The following LRRC2 variants were observed in gnomAD, a reference collection of about 807,000 sequenced individuals.
LRRC2 encodes the protein leucine rich repeat containing 2.
LRRC2 carries 27 observed loss-of-function variants against 40.2 expected under a neutral mutation model. The observed-to-expected ratio is 0.67, with a 90% CI of 0.49 to 0.93. The LOEUF is 0.93. Ranked by LOEUF, LRRC2 falls within the 40% of genes least tolerant of loss-of-function variation. The pLI, the probability that LRRC2 is intolerant of heterozygous loss-of-function variation, is 0.00. For missense variants in LRRC2, 402 were observed against 439.6 expected, an observed-to-expected ratio of 0.91 and a Z score of 0.76; for synonymous variants, 147 against 158.9, an observed-to-expected ratio of 0.92 and a Z score of 0.56.
At position 46,527,339 on chromosome 3, in the gene LRRC2, G is replaced by A. The variant is rs1002112517; in HGVS notation, c.929+87C>T. ...TCAGAGTACGAGAGCCATCTAATCC[G>A]GGTCTTGAGACAGCTGCCCAGGCTC... On this transcript the variant is annotated intron_variant, in intron 7 of 8. Coordinates refer to ENST00000395905, the MANE Select transcript of LRRC2 (RefSeq NM_024512.5). The A allele has an allele frequency of 2.0e-5, 28 of 1,377,264 alleles. No homozygotes were observed. In the Admixed American group the frequency reaches 2.4e-4, roughly 12 times the overall value. The allele number at this position is 1,377,264 out of a possible 1,614,324, so 85.3% of individuals were successfully genotyped here.
At chr3:46,521,084 T>A (rs1261964392) in intron 8 of LRRC2, among the ~76,000 whole-genome samples, 43 of 152,136 alleles carry the variant, frequency 2.8e-4, no homozygotes, top group Admixed American at 2.8e-3. Flanking sequence ...AAATTGGCCA[T>A]CCTGTGCTTT....
Position 46,545,051 on chromosome 3 carries a change from A to T in LRRC2, c.328T>A (p.Trp110Arg). 1 of 1,612,514 alleles carries T rather than the reference A, an allele frequency of 6.2e-7. No individual in the cohort carries two copies. The highest frequency in any genetic ancestry group is 8.5e-7 in the Non-Finnish European group (1 of 1,179,844). Residue 110 changes from tryptophan to arginine, a missense_variant, in exon 3 of 9, where the codon TGG becomes AGG. By Grantham distance (101) the Trp-to-Arg change is moderately radical. Transcript: ENST00000395905. ...CGAGAACTGCCTCGACTCACCGTCC[A>T]GTGCTCCCCAGAAAGTTCAAACACA... ...AFVFELSGEH[W>R]TELPDSLKEQ...
chr3:46,541,762 C>T (rs6795123), intron 3 of LRRC2, among the ~76,000 whole-genome samples: 4 of 152,232 alleles, frequency 2.6e-5, no homozygotes, highest in African/African-American at 9.6e-5. Flanking sequence ...GAACCTTGAC[C>T]CCCATCCATG....
Position 46,532,879 on chromosome 3 carries a change from A to G in LRRC2, c.521T>C (p.Val174Ala). 6.2e-7 allele frequency: 1 copy of G among 1,614,042 alleles called. No homozygotes were observed. Among genetic ancestry groups the G allele is most frequent in the Non-Finnish European group, 8.5e-7 (1 of 1,179,946 alleles). The change falls in exon 5 of 9, where the codon GTG becomes GCG. Residue 174 changes from valine to alanine, a missense_variant. Coordinates refer to ENST00000395905, the MANE Select transcript of LRRC2 (RefSeq NM_024512.5). Reference protein sequence around the residue: ...GCLKNLKELNVGFNYLKSIPP... With the variant: ...GCLKNLKELNAGFNYLKSIPP... The stretch of plus-strand genomic sequence containing the variant: ...AATGCTCTTCAGATAGTTGAAACCC[A>G]CATTGAGTTCTTTCAGGTTCTTCAA...
chr3:46,545,020 A>C, intron 3 of LRRC2, 26 bp downstream of exon 3: 2 of 1,603,764 alleles, frequency 1.2e-6, no homozygotes, highest in Non-Finnish European at 1.7e-6. Flanking sequence ...ACAGCACTGC[A>C]TTGGGCGAGA....
chr3:46,544,994 G>A (rs1406554711), intron 3 of LRRC2, 52 bp downstream of exon 3: 2 of 1,520,820 alleles, frequency 1.3e-6, no homozygotes, highest in African/African-American at 1.4e-5. Context: ...GCTCAGGCGA[G>A]CAGCAGTCAT....
At chr3:46,538,860 C>T (rs1368995062) in intron 4 of LRRC2, among the ~76,000 whole-genome samples, 185 bp downstream of exon 4, 1 of 152,172 alleles carries the variant, frequency 6.6e-6, no homozygotes, top group Non-Finnish European at 1.5e-5. Context: ...AGGCGAGACG[C>T]CGACCTCACC....
chr3:46,540,966 C>T (rs1462431186), intron 3 of LRRC2, among the ~76,000 whole-genome samples: 1 of 152,218 alleles, frequency 6.6e-6, no homozygotes, highest in African/African-American at 2.4e-5. Flanking sequence ...CCTCATTCCA[C>T]TCTTTCAATA....
intron 1 of LRRC2, among the ~76,000 whole-genome samples, chr3:46,560,629 T>C (rs1002850850): frequency 3.3e-5 from 5 of 152,218 alleles, no homozygotes; most frequent in African/African-American, 4.8e-5. Flanking sequence ...TGGACCCTCG[T>C]TGAATTTGAC....
chr3:46,542,981 G>A (rs1371022950), intron 3 of LRRC2, among the ~76,000 whole-genome samples: 1 of 152,162 alleles, frequency 6.6e-6, no homozygotes, highest in Non-Finnish European at 1.5e-5. Context: ...TGTGACTTTG[G>A]AGGCCACAAA....
chr3:46,533,729 C>G (rs1396474199), intron 4 of LRRC2, among the ~76,000 whole-genome samples: 3 of 146,632 alleles, frequency 2.0e-5, no homozygotes, highest in Non-Finnish European at 4.5e-5. Flanking sequence ...TTCCTTCCTT[C>G]CTTCCTTCCT....
In LRRC2 at chr3:46,516,705, G is replaced by A. The variant is rs1258538389; in HGVS notation, c.*2309C>T. ...TCCTAGGCACTGATAACGGTGCTTA[G>A]GTTGTTGCTGGAAACACTGAAAGAT... On this transcript the variant is annotated 3_prime_UTR_variant, in exon 9 of 9. Coordinates refer to ENST00000395905, the MANE Select transcript of LRRC2 (RefSeq NM_024512.5). 6.6e-6 allele frequency: 1 copy of A among 152,214 alleles called. No individual in the cohort carries two copies. Among genetic ancestry groups the A allele is most frequent in the Non-Finnish European group, 1.5e-5 (1 of 68,078 alleles). The allele number at this position is 152,214 out of a possible 1,614,324, so 9.4% of individuals were successfully genotyped here.
At chr3:46,551,671 A>C in intron 1 of LRRC2, 61 bp from the exon 2 acceptor site, 2 of 1,281,856 alleles carry the variant, frequency 1.6e-6, no homozygotes, top group South Asian at 3.3e-5. Flanking sequence ...GTTTTAACAT[A>C]AACTTTAAAA....
rs183150295 is a variant in LRRC2 at position 46,527,591 on chromosome 3, G to A, written c.774-10C>T. 3.9e-4 allele frequency: 633 copies of A among 1,612,718 alleles called. 2 individuals carry two copies. In the African/African-American group the frequency reaches 7.5e-3, roughly 19 times the overall value. On this transcript the variant is annotated splice_polypyrimidine_tract_variant and intron_variant, in intron 6 of 8. Transcript: ENST00000395905. The stretch of plus-strand genomic sequence containing the variant: ...CTGCAGCTCCTCTAGCCTAAGAAGA[G>A]GTAAAAACAATCATAGCACTGGACT...
rs1280618831 is a variant in LRRC2 at position 46,518,830 on chromosome 3, C to A, written c.*184G>T. The stretch of plus-strand genomic sequence containing the variant: ...CAATATACAAACCAATTTTTCAATT[C>A]TCCAGTCCATGGAGGGAGATACTCA... On this transcript the variant is annotated 3_prime_UTR_variant, in exon 9 of 9. Coordinates refer to ENST00000395905, the MANE Select transcript of LRRC2 (RefSeq NM_024512.5). The A allele has an allele frequency of 5.8e-6, 3 of 521,010 alleles. No individual in the cohort carries two copies. The highest frequency in any genetic ancestry group is 3.4e-5 in the Admixed American group (1 of 29,460). The allele number at this position is 521,010 out of a possible 1,614,324, so 32.3% of individuals were successfully genotyped here. A position where few individuals can be genotyped will look rare whatever the true frequency, so the allele number is the denominator to read the frequency against.
chr3:46,529,704 C>G lies in LRRC2; in HGVS notation c.773+201G>C, dbSNP rs548681085. Reference sequence around the variant, plus strand: ...GACAATGAAGAGGTGTTCAAATGCACGTAAACACATACATGTATGATGCAG... The same window carrying G: ...GACAATGAAGAGGTGTTCAAATGCAGGTAAACACATACATGTATGATGCAG... On this transcript the variant is annotated intron_variant, in intron 6 of 8. Coordinates refer to ENST00000395905, the MANE Select transcript of LRRC2 (RefSeq NM_024512.5). 7.2e-5 allele frequency among the ~76,000 whole-genome samples: 11 copies of G among 152,254 alleles called. No homozygotes were observed. The South Asian group carries it at 2.3e-3, about 32-fold the overall frequency.
chr3:46,550,221 T>C (rs1355125597), intron 2 of LRRC2, among the ~76,000 whole-genome samples: 1 of 152,126 alleles, frequency 6.6e-6, no homozygotes, highest in African/African-American at 2.4e-5. Context: ...AACTTCCTCA[T>C]CTGCAAATTA....
chr3:46,542,579 T>C (rs144989396), intron 3 of LRRC2, among the ~76,000 whole-genome samples: 2 of 150,096 alleles, frequency 1.3e-5, no homozygotes, highest in East Asian at 3.9e-4. Flanking sequence ...GCCATTACCC[T>C]GCAAAATAAA....
At chr3:46,522,896 T>C (rs554010755) in intron 7 of LRRC2, among the ~76,000 whole-genome samples, 3 of 152,316 alleles carry the variant, frequency 2.0e-5, no homozygotes, top group African/African-American at 7.2e-5. Context: ...ATTGTAATTA[T>C]TTCAATTCAA....
Sources: allele counts gnomAD v4.1 joint callset (sites outside exome capture counted in the v4.1 genomes callset), GRCh38; gene constraint gnomAD v4.1.1; transcripts MANE v1.5; gene names NCBI Gene and HGNC (gene_info 2026-07-23, HGNC 2026-07-21).